CLSTN2: variants seen among roughly 807,000 people sequenced by gnomAD.
CLSTN2 encodes the protein calsyntenin-2.
Under a neutral mutation model 101.2 loss-of-function variants are expected in CLSTN2, and 48 were observed. The ratio of observed to expected loss-of-function variants is 0.47; its 90% CI spans 0.38 to 0.60. The LOEUF is 0.60. CLSTN2 is among the 20% of genes least tolerant of loss of function. The probability of loss-of-function intolerance (pLI) is 0.00; values close to 1 mark genes in which losing one functional copy is unlikely to be tolerated. For synonymous variants in CLSTN2, 481 were observed against 463.6 expected, an observed-to-expected ratio of 1.04 and a Z score of -0.48; for missense variants, 1,160 against 1,238.2, an observed-to-expected ratio of 0.94 and a Z score of 0.95.
intron 1 of CLSTN2, among the ~76,000 whole-genome samples, chr3:140,056,185 G>A (rs2008093002): frequency 6.6e-6 from 1 of 152,230 alleles, no homozygotes; most frequent in Non-Finnish European, 1.5e-5. Flanking sequence ...TGAGTGGCTA[G>A]AGGGAGCTCT....
intron 1 of CLSTN2, among the ~76,000 whole-genome samples, chr3:140,111,144 G>T (rs2009149493): frequency 6.6e-6 from 1 of 152,158 alleles, no homozygotes; most frequent in Non-Finnish European, 1.5e-5. Context: ...GATTCTATTA[G>T]AGAGACAGTC....
chr3:140,173,058 T>A (rs746797406), intron 1 of CLSTN2, among the ~76,000 whole-genome samples: 3 of 152,180 alleles, frequency 2.0e-5, no homozygotes, highest in Non-Finnish European at 4.4e-5. Flanking sequence ...ATTTTAGCAT[T>A]AATCAAAAGT....
intron 1 of CLSTN2, among the ~76,000 whole-genome samples, chr3:140,150,838 C>T (rs2107813947): frequency 6.6e-6 from 1 of 152,212 alleles, no homozygotes; most frequent in African/African-American, 2.4e-5. Context: ...CCCAGGGAAC[C>T]CACCCTGCCA....
chr3:140,325,524 C>T (rs1576516484), intron 2 of CLSTN2, among the ~76,000 whole-genome samples: 1 of 152,146 alleles, frequency 6.6e-6, no homozygotes, highest in East Asian at 1.9e-4. Flanking sequence ...AGTGGAGGTT[C>T]CTCTTCAAAG....
At chr3:140,118,416 G>A (rs940614505) in intron 1 of CLSTN2, among the ~76,000 whole-genome samples, 7 of 152,198 alleles carry the variant, frequency 4.6e-5, no homozygotes, top group African/African-American at 7.2e-5. Context: ...AGTGCTTCAC[G>A]ATTTGGTCTC....
chr3:140,373,906 A>C (rs1273043090), intron 2 of CLSTN2, among the ~76,000 whole-genome samples: 1 of 152,190 alleles, frequency 6.6e-6, no homozygotes, highest in East Asian at 1.9e-4. Flanking sequence ...TAGACTGGAC[A>C]TCTTGAGTGC....
At chr3:140,310,026 T>C (rs1014843610) in intron 2 of CLSTN2, among the ~76,000 whole-genome samples, 2 of 152,114 alleles carry the variant, frequency 1.3e-5, no homozygotes, top group East Asian at 3.9e-4. Flanking sequence ...AAGGGAGATC[T>C]GGTCATGGGG....
At chr3:140,249,168 C>T (rs981781814) in intron 2 of CLSTN2, among the ~76,000 whole-genome samples, 2 of 152,158 alleles carry the variant, frequency 1.3e-5, no homozygotes, top group Non-Finnish European at 2.9e-5. Context: ...CAGGCCCTAC[C>T]AGTGTAAGCC....
chr3:140,526,524 A>G (rs1285937970), intron 8 of CLSTN2, among the ~76,000 whole-genome samples: 1 of 152,030 alleles, frequency 6.6e-6, no homozygotes, highest in Non-Finnish European at 1.5e-5. Flanking sequence ...TATCCCTATC[A>G]AAATACCAAT....
At chr3:140,029,164 A>G (rs996923291) in intron 1 of CLSTN2, among the ~76,000 whole-genome samples, 3 of 152,094 alleles carry the variant, frequency 2.0e-5, no homozygotes, top group African/African-American at 4.8e-5. Context: ...TCCAAAACCT[A>G]TCAAATGATC....
At chr3:140,210,458 A>G (rs2010841369) in intron 2 of CLSTN2, among the ~76,000 whole-genome samples, 2 of 152,186 alleles carry the variant, frequency 1.3e-5, no homozygotes, top group Admixed American at 1.3e-4. Context: ...CCAATGAGCT[A>G]TTCAACCCAC....
At chr3:139,939,518 C>T (rs1935090672) in intron 1 of CLSTN2, among the ~76,000 whole-genome samples, 1 of 152,126 alleles carries the variant, frequency 6.6e-6, no homozygotes, top group South Asian at 2.1e-4. Context: ...TACCCAGGAG[C>T]CCTTGTGGTC....
chr3:140,125,331 G>A (rs781186995), intron 1 of CLSTN2, among the ~76,000 whole-genome samples: 1 of 152,044 alleles, frequency 6.6e-6, no homozygotes, highest in Non-Finnish European at 1.5e-5. Flanking sequence ...GGACAGAGAG[G>A]GCAGTTACAG....
chr3:140,337,530 A>G (rs940078727), intron 2 of CLSTN2, among the ~76,000 whole-genome samples: 4 of 152,220 alleles, frequency 2.6e-5, no homozygotes, highest in Admixed American at 2.0e-4. Flanking sequence ...TTCAAATAAC[A>G]TTACATTCAC....
intron 1 of CLSTN2, among the ~76,000 whole-genome samples, chr3:140,087,112 G>A (rs934990935): frequency 6.6e-6 from 1 of 152,000 alleles, no homozygotes; most frequent in Non-Finnish European, 1.5e-5. Flanking sequence ...GAGGGAAGAG[G>A]ATCATAGCTG....
intron 8 of CLSTN2, among the ~76,000 whole-genome samples, chr3:140,531,206 C>T (rs1484353407): frequency 6.6e-6 from 1 of 152,172 alleles, no homozygotes; most frequent in Non-Finnish European, 1.5e-5. Flanking sequence ...TCTGTCTGGA[C>T]CCCTCCTGCT....
At chr3:140,143,854 T>C (rs1191908415) in intron 1 of CLSTN2, among the ~76,000 whole-genome samples, 1 of 152,258 alleles carries the variant, frequency 6.6e-6, no homozygotes, top group Non-Finnish European at 1.5e-5. Flanking sequence ...GCTGTGCTAA[T>C]TAGCATGCTG....
At chr3:140,084,505 G>A (rs1259863751) in intron 1 of CLSTN2, among the ~76,000 whole-genome samples, 2 of 152,184 alleles carry the variant, frequency 1.3e-5, no homozygotes, top group African/African-American at 4.8e-5. Flanking sequence ...ATAGCTGACT[G>A]ACAAAATCTA....
rs1221987365 is a variant in CLSTN2, at chr3:140,576,651, G to T, written c.*10398G>T. On this transcript the variant is annotated 3_prime_UTR_variant, in exon 17 of 17. Transcript: ENST00000458420. Reference sequence around the variant, plus strand: ...GGTGTTGACACAGCAGAGAGAGGAGGGGGAGCAGCCTCGTCTTGCAGAATC... The same window carrying T: ...GGTGTTGACACAGCAGAGAGAGGAGTGGGAGCAGCCTCGTCTTGCAGAATC... 2.0e-5 allele frequency: 3 copies of T among 152,148 alleles called. No individual in the cohort carries two copies. The highest frequency in any genetic ancestry group is 4.4e-5 in the Non-Finnish European group (3 of 68,046). 9.4% of individuals were successfully genotyped at this position (152,148 alleles called of 1,614,324 possible). A position where few individuals can be genotyped will look rare whatever the true frequency, so the allele number is the denominator to read the frequency against.
Sources: allele counts gnomAD v4.1 joint callset (sites outside exome capture counted in the v4.1 genomes callset), GRCh38; gene constraint gnomAD v4.1.1; transcripts MANE v1.5; gene names NCBI Gene and HGNC (gene_info 2026-07-23, HGNC 2026-07-21).